AIPL1: variants seen among roughly 807,000 people sequenced by gnomAD.
AIPL1 encodes the protein aryl-hydrocarbon-interacting protein-like 1.
AIPL1 carries 23 observed loss-of-function variants against 32.9 expected under a neutral mutation model. That is an observed-to-expected ratio of 0.70 (90% confidence interval 0.50 to 0.99). AIPL1 has a LOEUF of 0.99. Ranked by LOEUF, AIPL1 falls within the 50% of genes least tolerant of loss-of-function variation. The pLI, the probability that AIPL1 is intolerant of heterozygous loss-of-function variation, is 0.00. For synonymous variants in AIPL1, 210 were observed against 209.4 expected (o/e 1.00, Z -0.02); for missense variants, 485 against 506.0 (o/e 0.96, Z 0.40).
chr17:6,434,452 G>A (rs954216129), intron 1 of AIPL1, among the ~76,000 whole-genome samples: 6 of 146,648 alleles, frequency 4.1e-5, no homozygotes, highest in Non-Finnish European at 8.9e-5. Context: ...TCCACCTCCT[G>A]GGCTCAAGTG....
rs1344609001 is a variant in AIPL1 at position 6,427,189 on chromosome 17, G to A, written c.466-132C>T. On this transcript the variant is annotated intron_variant, in intron 3 of 5. Transcript: ENST00000381129. ...GCTGGTCAAGTGCATACAGACAAGG[G>A]AAAGAAGCAACAACGCCGAAAACCC... 9 of 1,021,790 alleles carry A rather than the reference G, an allele frequency of 8.8e-6. No individual in the cohort carries two copies. In the East Asian group the frequency reaches 2.0e-4, roughly 23 times the overall value. 63.3% of individuals were successfully genotyped at this position (1,021,790 alleles called of 1,614,324 possible). A position where few individuals can be genotyped will look rare whatever the true frequency, so the allele number is the denominator to read the frequency against.
rs181055698 is a variant in AIPL1 at position 6,423,910 on chromosome 17, T to C, written c.*1550A>G. On this transcript the variant is annotated 3_prime_UTR_variant, in exon 6 of 6. Coordinates refer to ENST00000381129, the MANE Select transcript of AIPL1 (RefSeq NM_014336.5). Reference sequence around the variant, plus strand: ...CAGTTAGCGCTGGGGGAACCCCTGCTGGGTGGAGACAAGCTCTGGGGCAGA... The same window carrying C: ...CAGTTAGCGCTGGGGGAACCCCTGCCGGGTGGAGACAAGCTCTGGGGCAGA... 6.6e-6 allele frequency: 1 copy of C among 152,282 alleles called. No individual in the cohort carries two copies. The highest frequency in any genetic ancestry group is 2.4e-5 in the African/African-American group (1 of 41,458). The allele number at this position is 152,282 out of a possible 1,614,324, so 9.4% of individuals were successfully genotyped here.
Position 6,435,094 on chromosome 17 carries a change from G to A in AIPL1, c.11C>T (p.Ala4Val). The change falls in exon 1 of 6, where the codon GCT (alanine) becomes GTT (valine). Residue 4 changes from alanine to valine, a missense_variant. Transcript: ENST00000381129. MDAALLLNVEGVKK... is the reference protein window; with the variant it reads MDAVLLLNVEGVKK... Reference sequence around the variant, plus strand: ...GACCCCTTCCACGTTCAGGAGCAGAGCGGCATCCATGGCTGCAGGAGAAAG... The same window carrying A: ...GACCCCTTCCACGTTCAGGAGCAGAACGGCATCCATGGCTGCAGGAGAAAG... 6.2e-7 allele frequency: 1 copy of A among 1,614,226 alleles called. No homozygotes were observed. The highest frequency in any genetic ancestry group is 2.2e-5 in the East Asian group (1 of 44,868).
In AIPL1 at chr17:6,425,387, G is replaced by A. The variant is rs868050441; in HGVS notation, c.*73C>T. 3.4e-6 allele frequency: 5 copies of A among 1,469,048 alleles called. No homozygotes were observed. In the African/African-American group the frequency reaches 5.7e-5, roughly 17 times the overall value. 91.0% of individuals were successfully genotyped at this position (1,469,048 alleles called of 1,614,324 possible). On this transcript the variant is annotated 3_prime_UTR_variant, in exon 6 of 6. Transcript: ENST00000381129. ...TTTAAATTTTAAAAAGTGACACCAC[G>A]ATCCTGGTCAATCGAACCAGAAGTG...
rs201690583 is a variant in AIPL1 at position 6,429,820 on chromosome 17, G to A, written c.277-1314C>T. 1.8e-3 allele frequency among the ~76,000 whole-genome samples: 68 copies of A among 38,724 alleles called. 1 individual carries two copies. Among genetic ancestry groups the A allele is most frequent in the South Asian group, 2.3e-3 (3 of 1,298 alleles). The allele number at this position is 38,724 out of a possible 152,430, so 25.4% of individuals were successfully genotyped here. A position where few individuals can be genotyped will look rare whatever the true frequency, so the allele number is the denominator to read the frequency against. On this transcript the variant is annotated intron_variant, in intron 2 of 5. Coordinates refer to ENST00000381129, the MANE Select transcript of AIPL1 (RefSeq NM_014336.5). ...ACTAGATAGGTAGGTAGGTAGGTAG[G>A]TAGGTAGATAGATAGATAGATAGAT...
In AIPL1 at chr17:6,424,572, TG is replaced by T. The variant is rs1469641257; in HGVS notation, c.*887del. ...TTTTGTTGTTGTTTTTGTTTTGTTT[TG>T]TTTTTTGAGATGAAGTTTTACTCTT... is the stretch of plus-strand genomic sequence containing the variant. On this transcript the variant is annotated 3_prime_UTR_variant, in exon 6 of 6. Transcript: ENST00000381129. 6.6e-6 allele frequency: 1 copy of T among 152,382 alleles called. No homozygotes were observed. The highest frequency in any genetic ancestry group is 1.5e-5 in the Non-Finnish European group (1 of 68,180). 9.4% of individuals were successfully genotyped at this position (152,382 alleles called of 1,614,324 possible). A position where few individuals can be genotyped will look rare whatever the true frequency, so the allele number is the denominator to read the frequency against.
chr17:6,426,637 A>G lies in AIPL1; in HGVS notation c.762T>C (p.Ser254=), dbSNP rs1911992566. 3 of 1,613,954 alleles carry G rather than the reference A, an allele frequency of 1.9e-6. No homozygotes were observed. The highest frequency in any genetic ancestry group is 2.7e-5 in the African/African-American group (2 of 74,910). The change falls in exon 5 of 6, where the codon AGT becomes AGC. Residue 254 remains serine, a synonymous_variant. Coordinates refer to ENST00000381129, the MANE Select transcript of AIPL1 (RefSeq NM_014336.5). ...EEYYEVLEHT[S]DILRHHPGIV... is the part of the protein sequence containing the mutation. ...CACCTGGGTGGTGCCGGAGAATATC[A>G]CTGGTGTGCTCCAGCACCTCATAGT...
intron 1 of AIPL1, 67 bp downstream of exon 1, chr17:6,434,942 G>C: frequency 6.2e-7 from 1 of 1,610,328 alleles, no homozygotes; most frequent in Admixed American, 1.7e-5. Flanking sequence ...ACAGTGCCTT[G>C]GGGCACACCT....
chr17:6,435,049 C>T lies in AIPL1; in HGVS notation c.56G>A (p.Gly19Glu), dbSNP rs1329526327. ...VEGVKKTILH[G>E]GTGELPNFIT... ...GAAGTTTGGGAGCTCGCCCGTGCCCCCGTGCAGAATGGTTTTCTTGACCCC... is the reference window on the plus strand; with the variant it reads ...GAAGTTTGGGAGCTCGCCCGTGCCCTCGTGCAGAATGGTTTTCTTGACCCC... The change falls in exon 1 of 6, where the codon GGG (glycine) becomes GAG (glutamate). Residue 19 changes from glycine to glutamate, a missense_variant. By Grantham distance (98) the Gly-to-Glu change is moderately conservative. Transcript: ENST00000381129. 6.2e-7 allele frequency: 1 copy of T among 1,614,194 alleles called. No individual in the cohort carries two copies. Among genetic ancestry groups the T allele is most frequent in the Non-Finnish European group, 8.5e-7 (1 of 1,180,028 alleles).
chr17:6,426,436 C>T (rs1911961586), intron 5 of AIPL1, 179 bp downstream of exon 5: 7 of 1,464,438 alleles, frequency 4.8e-6, no homozygotes, highest in Non-Finnish European at 6.3e-6. Flanking sequence ...CGCCCCGCGC[C>T]AAGCACTGCC....
In AIPL1 at chr17:6,427,020, T is replaced by TTCCA. The variant is rs1270383125; in HGVS notation, c.499_502dup (p.Asn168MetfsTer7). ...CTTCATCTTCTCATGATTGCTCAGG[T>TTCCA]TCCAGGTCTCCCTCTGGTAATCACT... On this transcript the variant is annotated frameshift_variant, in exon 4 of 6. Coordinates refer to ENST00000381129, the MANE Select transcript of AIPL1 (RefSeq NM_014336.5). LOFTEE classifies it high-confidence loss of function. 1.2e-6 allele frequency: 2 copies of TTCCA among 1,613,970 alleles called. No homozygotes were observed. The highest frequency in any genetic ancestry group is 2.2e-5 in the South Asian group (2 of 91,084).
At chr17:6,429,898 T>C (rs1912399245) in intron 2 of AIPL1, among the ~76,000 whole-genome samples, 2 of 152,002 alleles carry the variant, frequency 1.3e-5, no homozygotes, top group Non-Finnish European at 2.9e-5. Flanking sequence ...AGGAGATAGA[T>C]AGAAGATGAT....
At chr17:6,426,581 C>T (rs1911981217) in intron 5 of AIPL1, 34 bp downstream of exon 5, 2 of 1,607,186 alleles carry the variant, frequency 1.2e-6, no homozygotes, top group Non-Finnish European at 1.7e-6. Flanking sequence ...GGGCTGGGCG[C>T]CCCCTCACTG....
chr17:6,428,061 C>T lies in AIPL1; in HGVS notation c.465+257G>A, dbSNP rs150535174. ...TCTCGAACTCCTGACCTCAGGTGAT[C>T]CAACCCCCTCGGCCTCCCAAAGTGC... On this transcript the variant is annotated intron_variant, in intron 3 of 5. Transcript: ENST00000381129. Among the ~76,000 whole-genome samples, 729 of 146,468 alleles carry T rather than the reference C, an allele frequency of 5.0e-3. 6 individuals are homozygous for T. Among genetic ancestry groups the T allele is most frequent in the African/African-American group, 0.017 (684 of 39,568 alleles).
Position 6,435,031 on chromosome 17 carries a change from G to T in AIPL1, c.74C>A (p.Pro25Gln). ...CACTCGGGATCCGGTGATGAAGTTTGGGAGCTCGCCCGTGCCCCCGTGCAG... is the reference window on the plus strand; with the variant it reads ...CACTCGGGATCCGGTGATGAAGTTTTGGAGCTCGCCCGTGCCCCCGTGCAG... ...TILHGGTGELPNFITGSRVIF... is the reference protein window; with the variant it reads ...TILHGGTGELQNFITGSRVIF... Residue 25 changes from proline to glutamine, a missense_variant, in exon 1 of 6, where the codon CCA becomes CAA. Physicochemically the swap from Pro to Gln is moderately conservative, Grantham distance 76. Transcript: ENST00000381129. 6.2e-7 allele frequency: 1 copy of T among 1,614,188 alleles called. No individual in the cohort carries two copies. Among genetic ancestry groups the T allele is most frequent in the Non-Finnish European group, 8.5e-7 (1 of 1,180,026 alleles).
chr17:6,428,535 C>G (rs959936240), intron 2 of AIPL1, 29 bp from the exon 3 acceptor site: 12 of 1,608,572 alleles, frequency 7.5e-6, no homozygotes, highest in African/African-American at 4.0e-5. Context: ...GGATGGCATC[C>G]AGGCTACCTG....
At position 6,432,369 on chromosome 17, in the gene AIPL1, G is replaced by A. The variant is rs1021926955; in HGVS notation, c.276+1550C>T. 4.3e-5 allele frequency among the ~76,000 whole-genome samples: 6 copies of A among 139,554 alleles called. No homozygotes were observed. The South Asian group carries it at 1.2e-3, about 27-fold the overall frequency. The allele number at this position is 139,554 out of a possible 152,430, so 91.6% of individuals were successfully genotyped here. A position where few individuals can be genotyped will look rare whatever the true frequency, so the allele number is the denominator to read the frequency against. ...CAGCCTGGCTACAGAGCAAGACTCCGTCTCAAAAAAAAAAAGAAAGAAAGA... is the reference window on the plus strand; with the variant it reads ...CAGCCTGGCTACAGAGCAAGACTCCATCTCAAAAAAAAAAAGAAAGAAAGA... On this transcript the variant is annotated intron_variant, in intron 2 of 5. Transcript: ENST00000381129.
Position 6,425,469 on chromosome 17 carries a change from CA to C in AIPL1, c.1145del (p.Leu382ArgfsTer36). 5 of 1,597,078 alleles carry C rather than the reference CA, an allele frequency of 3.1e-6. No individual in the cohort carries two copies. Among genetic ancestry groups the C allele is most frequent in the Non-Finnish European group, 4.3e-6 (5 of 1,175,186 alleles). On this transcript the variant is annotated frameshift_variant, in exon 6 of 6. Transcript: ENST00000381129. LOFTEE classifies it high-confidence loss of function. ...TEPPPSPGHS[L>X]QH ...GTGGGCCTCAGGGGGCTCAGTGCTG[CA>C]GCGAGTGCCCTGGGGACGGGGGTGG...
chr17:6,430,045 GT>G (rs1437968211), intron 2 of AIPL1, among the ~76,000 whole-genome samples: 315 of 6,444 alleles, frequency 0.049, no homozygotes, highest in Admixed American at 0.1. Context: ...TCTAGAAGGG[GT>G]GTGTGTGTGT....
Sources: allele counts gnomAD v4.1 joint callset (sites outside exome capture counted in the v4.1 genomes callset), GRCh38; gene constraint gnomAD v4.1.1; transcripts MANE v1.5; gene names NCBI Gene and HGNC (gene_info 2026-07-23, HGNC 2026-07-21).